Variants in FOXP1 observed in about 807,000 individuals in gnomAD.
FOXP1 encodes the protein forkhead box protein P1.
FOXP1 carries 15 observed loss-of-function variants against 98.2 expected under a neutral mutation model. That is an observed-to-expected ratio of 0.15 (90% CI 0.10 to 0.24). The LOEUF (loss-of-function observed/expected upper bound fraction) is 0.24, where lower values mean the gene tolerates loss of function less well. FOXP1 is among the 10% of genes least tolerant of loss of function. The pLI is 1.00. For missense variants in FOXP1, 633 were observed against 848.5 expected (o/e 0.75, Z 3.15); for synonymous variants, 371 against 314.5 (o/e 1.18, Z -1.90).
intron 3 of FOXP1, among the ~76,000 whole-genome samples, chr3:71,488,152 A>G (rs780510900): frequency 6.6e-6 from 1 of 152,140 alleles, no homozygotes; most frequent in Non-Finnish European, 1.5e-5. Context: ...TTATCCAATG[A>G]ATTTATATCT....
intron 3 of FOXP1, among the ~76,000 whole-genome samples, chr3:71,413,212 GAC>G (rs1405734409): frequency 2.0e-5 from 1 of 50,316 alleles, no homozygotes; most frequent in Admixed American, 3.5e-4. Context: ...CCCCCAAATA[GAC>G]ACACACACAC....
chr3:71,551,580 T>C (rs530329139), intron 2 of FOXP1, among the ~76,000 whole-genome samples: 2 of 152,324 alleles, frequency 1.3e-5, no homozygotes, highest in East Asian at 3.9e-4. Context: ...TTATGTTCAA[T>C]ACATAAACTT....
chr3:70,999,045 A>G (rs992621386), intron 13 of FOXP1, among the ~76,000 whole-genome samples: 54 of 152,212 alleles, frequency 3.5e-4, no homozygotes, highest in Admixed American at 3.1e-3. Context: ...CTATCACTTT[A>G]TAAGTACCAC....
intron 10 of FOXP1, among the ~76,000 whole-genome samples, chr3:71,043,857 A>G (rs1242452050): frequency 6.6e-6 from 1 of 152,218 alleles, no homozygotes; most frequent in Non-Finnish European, 1.5e-5. Context: ...TGTTATACCT[A>G]CAGGGTGCAT....
chr3:71,476,866 T>C (rs2089894364), intron 3 of FOXP1, among the ~76,000 whole-genome samples: 1 of 152,126 alleles, frequency 6.6e-6, no homozygotes, highest in Admixed American at 6.6e-5. Flanking sequence ...TTGGTCTTAT[T>C]TGCAGCTTAA....
At chr3:71,322,401 C>T (rs369327377) in intron 4 of FOXP1, among the ~76,000 whole-genome samples, 1 of 151,986 alleles carries the variant, frequency 6.6e-6, no homozygotes, top group African/African-American at 2.4e-5. Context: ...AGATATAGAA[C>T]ATTTTCATCA....
At position 71,424,077 on chromosome 3, in the gene FOXP1, G is replaced by T. The variant is rs181574116; in HGVS notation, c.-167-64833C>A. On this transcript the variant is annotated intron_variant, in intron 3 of 20. Transcript: ENST00000649528. ...CCAAGTCGCTGGATTATAGGCCCAAGCTGTCAGGCCTGGCTTAGAAACATT... is the reference window on the plus strand; with the variant it reads ...CCAAGTCGCTGGATTATAGGCCCAATCTGTCAGGCCTGGCTTAGAAACATT... Among the ~76,000 whole-genome samples the T allele has an allele frequency of 2.6e-5, 4 of 152,254 alleles. No homozygotes were observed. The East Asian group carries it at 7.7e-4, about 29-fold the overall frequency.
At chr3:71,413,276 ACACACACACACACACC>A (rs2082931681) in intron 3 of FOXP1, among the ~76,000 whole-genome samples, 2 of 140,030 alleles carry the variant, frequency 1.4e-5, no homozygotes, top group Non-Finnish European at 1.5e-5. Flanking sequence ...ACACACACAC[ACACACACACACACACC>A]CAAAACAGCC....
intron 3 of FOXP1, among the ~76,000 whole-genome samples, chr3:71,392,720 T>C (rs1184512989): frequency 6.6e-6 from 1 of 152,228 alleles, no homozygotes; most frequent in Non-Finnish European, 1.5e-5. Context: ...ATAATTGCAA[T>C]GCACTTGGCC....
At chr3:71,425,601 GT>G (rs1284914753) in intron 3 of FOXP1, among the ~76,000 whole-genome samples, 1 of 152,014 alleles carries the variant, frequency 6.6e-6, no homozygotes, top group Non-Finnish European at 1.5e-5. Context: ...TGCTTAATAA[GT>G]ATCTGCTGAA....
intron 7 of FOXP1, among the ~76,000 whole-genome samples, chr3:71,079,494 C>G (rs1035975313): frequency 2.6e-5 from 4 of 152,186 alleles, no homozygotes; most frequent in African/African-American, 9.7e-5. Context: ...CCCATCCTCC[C>G]TCGACACAGA....
At chr3:71,361,379 A>G (rs2078554806) in intron 3 of FOXP1, among the ~76,000 whole-genome samples, 1 of 152,212 alleles carries the variant, frequency 6.6e-6, no homozygotes, top group South Asian at 2.1e-4. Flanking sequence ...AAAAACTATG[A>G]GCTGTGGACT....
intron 7 of FOXP1, among the ~76,000 whole-genome samples, 171 bp from the exon 8 acceptor site, chr3:71,053,944 G>T (rs1409686994): frequency 6.6e-6 from 1 of 152,200 alleles, no homozygotes; most frequent in Non-Finnish European, 1.5e-5. Flanking sequence ...CTATCATGGA[G>T]TTTATTTTAA....
intron 11 of FOXP1, among the ~76,000 whole-genome samples, chr3:71,022,016 A>G (rs1183617138): frequency 6.6e-6 from 1 of 152,208 alleles, no homozygotes; most frequent in Non-Finnish European, 1.5e-5. Context: ...GTTACATCTC[A>G]GAAACCATTG....
chr3:71,174,951 T>C (rs2061856205), intron 6 of FOXP1, among the ~76,000 whole-genome samples: 1 of 151,220 alleles, frequency 6.6e-6, no homozygotes, highest in South Asian at 2.1e-4. Flanking sequence ...CTCGCTCTTG[T>C]TGCCCAGACT....
At chr3:71,359,333 C>G (rs1220891919) in intron 3 of FOXP1, 89 bp from the exon 4 acceptor site, 2 of 152,162 alleles carry the variant, frequency 1.3e-5, no homozygotes, top group African/African-American at 4.8e-5. Context: ...TTTGGTATCC[C>G]TCATTTACAT....
intron 3 of FOXP1, among the ~76,000 whole-genome samples, chr3:71,414,152 G>T (rs1008772038): frequency 6.6e-6 from 1 of 151,344 alleles, no homozygotes; most frequent in South Asian, 2.1e-4. Flanking sequence ...TTAGTATCAG[G>T]TTCACGATTT....
chr3:71,151,688 A>G (rs2060582026), intron 6 of FOXP1, among the ~76,000 whole-genome samples: 1 of 140,046 alleles, frequency 7.1e-6, no homozygotes, highest in Non-Finnish European at 1.5e-5. Flanking sequence ...GCACAAAGTT[A>G]ATGAAATAAT....
At chr3:71,216,648 G>A (rs1269295803) in intron 5 of FOXP1, among the ~76,000 whole-genome samples, 1 of 151,990 alleles carries the variant, frequency 6.6e-6, no homozygotes, top group Non-Finnish European at 1.5e-5. Flanking sequence ...AAAATGGGTG[G>A]TTTCCATTTT....
Sources: allele counts gnomAD v4.1 joint callset (sites outside exome capture counted in the v4.1 genomes callset), GRCh38; gene constraint gnomAD v4.1.1; transcripts MANE v1.5; gene names NCBI Gene and HGNC (gene_info 2026-07-23, HGNC 2026-07-21).